Variants in PCDH15 observed in about 807,000 individuals in gnomAD.
PCDH15 encodes the protein protocadherin-15.
In PCDH15, 129 loss-of-function variants were observed where a neutral mutation model predicts 178.5. That is an observed-to-expected ratio of 0.72 (90% CI 0.63 to 0.84). PCDH15 has a LOEUF of 0.84. Ranked by LOEUF, PCDH15 falls within the 40% of genes least tolerant of loss-of-function variation. The pLI, the probability that PCDH15 is intolerant of heterozygous loss-of-function variation, is 0.00. For synonymous variants in PCDH15, 800 were observed against 732.0 expected (o/e 1.09, Z -1.50); for missense variants, 2,230 against 2,099.9 (o/e 1.06, Z -1.21).
intron 1 of PCDH15, among the ~76,000 whole-genome samples, chr10:54,730,966 A>G (rs920700487): frequency 6.6e-6 from 1 of 151,486 alleles, no homozygotes; most frequent in African/African-American, 2.4e-5. Context: ...TCTAGAAAGT[A>G]AAGAGACAGC....
At chr10:54,358,009 T>G (rs76403265) in intron 5 of PCDH15, among the ~76,000 whole-genome samples, 16,495 of 150,506 alleles carry the variant, frequency 0.11, 1,612 homozygotes, top group African/African-American at 0.27. Flanking sequence ...ATACAAAAAT[T>G]AATTCAAGAT....
At chr10:55,036,112 A>C (rs1294123674) in intron 2 of PCDH15, among the ~76,000 whole-genome samples, 5 of 152,158 alleles carry the variant, frequency 3.3e-5, no homozygotes, top group African/African-American at 1.2e-4. Context: ...TAATGGATTA[A>C]TGCCCATTAT....
intron 2 of PCDH15, among the ~76,000 whole-genome samples, chr10:54,981,629 G>A (rs1839234317): frequency 6.6e-6 from 1 of 152,058 alleles, no homozygotes; most frequent in Admixed American, 6.6e-5. Context: ...TGAAAACTTG[G>A]CCTAATCGTA....
rs184188026 is a variant in PCDH15 at position 54,002,259 on chromosome 10, C to T, written c.2752-6494G>A. Among the ~76,000 whole-genome samples the T allele has an allele frequency of 1.5e-3, 221 of 152,080 alleles. 1 individual carries two copies. The highest frequency in any genetic ancestry group is 4.4e-3 in the African/African-American group (182 of 41,496). ...AAACAAAAATAGCTGGAAACTTCAA[C>T]ATCCCACTTTCAGCACTGGACAGAT... On this transcript the variant is annotated intron_variant, in intron 20 of 37. Coordinates refer to ENST00000644397, the MANE Select transcript of PCDH15 (RefSeq NM_001384140.1).
At chr10:55,042,389 T>A (rs1288943344) in intron 2 of PCDH15, among the ~76,000 whole-genome samples, 1 of 152,068 alleles carries the variant, frequency 6.6e-6, no homozygotes, top group East Asian at 1.9e-4. Flanking sequence ...TAAGAAAAAT[T>A]GATAATGAAG....
chr10:54,099,329 T>C (rs1027193616), intron 15 of PCDH15, among the ~76,000 whole-genome samples: 14 of 151,478 alleles, frequency 9.2e-5, no homozygotes, highest in African/African-American at 2.9e-4. Flanking sequence ...TGAAACCCCA[T>C]CTCTACTAAA....
chr10:54,471,660 T>C (rs1320124370), intron 3 of PCDH15, among the ~76,000 whole-genome samples: 1 of 151,670 alleles, frequency 6.6e-6, no homozygotes, highest in African/African-American at 2.4e-5. Context: ...TGATTTTTTT[T>C]TTACTATAGA....
chr10:55,038,544 A>C (rs1316025659), intron 2 of PCDH15, among the ~76,000 whole-genome samples: 2 of 152,168 alleles, frequency 1.3e-5, no homozygotes, highest in Non-Finnish European at 2.9e-5. Context: ...GCAGAATTTA[A>C]CTCTTTTATA....
chr10:55,409,687 C>G (rs973919073), intron 2 of PCDH15, among the ~76,000 whole-genome samples: 1 of 152,046 alleles, frequency 6.6e-6, no homozygotes, highest in Non-Finnish European at 1.5e-5. Context: ...AAAGAAAAAT[C>G]TATAGCAAAT....
At chr10:54,650,143 C>T (rs1307006888) in intron 2 of PCDH15, among the ~76,000 whole-genome samples, 1 of 152,006 alleles carries the variant, frequency 6.6e-6, no homozygotes, top group Non-Finnish European at 1.5e-5. Flanking sequence ...CATTGGAGAA[C>T]AATAAATAAA....
At chr10:55,255,908 A>T (rs1330238175) in intron 1 of PCDH15, among the ~76,000 whole-genome samples, 1 of 151,846 alleles carries the variant, frequency 6.6e-6, no homozygotes, top group Non-Finnish European at 1.5e-5. Context: ...TTGCCTGTTC[A>T]CTCTGATGGT....
chr10:55,210,272 A>T (rs770070207), intron 1 of PCDH15, among the ~76,000 whole-genome samples: 1 of 152,040 alleles, frequency 6.6e-6, no homozygotes, highest in Non-Finnish European at 1.5e-5. Context: ...AGAAAATTAA[A>T]CCTAACAGCA....
At chr10:54,156,174 T>G (rs559735816) in intron 13 of PCDH15, among the ~76,000 whole-genome samples, 2 of 152,322 alleles carry the variant, frequency 1.3e-5, no homozygotes, top group Admixed American at 6.5e-5. Context: ...TTTTTTTATT[T>G]CTTTTCGATG....
chr10:54,022,034 GAGT>G (rs2092936845), intron 19 of PCDH15, among the ~76,000 whole-genome samples: 1 of 151,966 alleles, frequency 6.6e-6, no homozygotes, highest in South Asian at 2.1e-4. Context: ...GTTTATTGCT[GAGT>G]TCAATTATGG....
intron 2 of PCDH15, among the ~76,000 whole-genome samples, chr10:55,142,512 C>T (rs947267173): frequency 2.0e-5 from 3 of 150,540 alleles, no homozygotes; most frequent in African/African-American, 7.3e-5. Context: ...TTCTCATTCA[C>T]AGATATTTTA....
chr10:54,804,927 T>TTATATATATA (rs71014419), upstream of PCDH15, among the ~76,000 whole-genome samples: 353 of 50,838 alleles, frequency 6.9e-3, 63 homozygotes, highest in Middle Eastern at 0.031. Flanking sequence ...TCATAGTAGA[T>TTATATATATA]TATATATATA....
At chr10:54,323,229 C>A (rs748446649) in intron 7 of PCDH15, among the ~76,000 whole-genome samples, 25 of 151,974 alleles carry the variant, frequency 1.6e-4, no homozygotes, top group Non-Finnish European at 3.2e-4. Flanking sequence ...ACTGGTGAGG[C>A]TGCAGAGAAA....
At chr10:55,436,347 G>A (rs1390606827) in intron 2 of PCDH15, among the ~76,000 whole-genome samples, 4 of 151,972 alleles carry the variant, frequency 2.6e-5, no homozygotes, top group Non-Finnish European at 4.4e-5. Flanking sequence ...AGACAAAATT[G>A]TTTTGATTAA....
chr10:55,449,291 C>T (rs1471213355), intron 2 of PCDH15, among the ~76,000 whole-genome samples: 3 of 151,980 alleles, frequency 2.0e-5, no homozygotes. Context: ...CTTTAGGATT[C>T]TTTTTACTAT....
Sources: gnomAD v4.1 joint callset for allele counts (sites outside exome capture counted in the v4.1 genomes callset) on GRCh38, gnomAD v4.1.1 for gene constraint, MANE v1.5 for transcripts, NCBI Gene and HGNC (gene_info 2026-07-23, HGNC 2026-07-21) for gene names.